The following THAP2 variants were observed in gnomAD, a reference collection of about 807,000 sequenced individuals.
The protein encoded by THAP2 is THAP domain-containing protein 2.
THAP2 carries 16 observed loss-of-function variants against 18.8 expected under a neutral mutation model. The ratio of observed to expected loss-of-function variants is 0.85; its 90% CI spans 0.58 to 1.29. The LOEUF (loss-of-function observed/expected upper bound fraction) is 1.29, where lower values mean the gene tolerates loss of function less well. THAP2 is among the 50% of genes most tolerant of loss of function. The probability of loss-of-function intolerance (pLI) is 0.00; values close to 1 mark genes in which losing one functional copy is unlikely to be tolerated. For missense variants in THAP2, 251 were observed against 265.3 expected, an observed-to-expected ratio of 0.95 and a Z score of 0.38; for synonymous variants, 80 against 89.2, an observed-to-expected ratio of 0.90 and a Z score of 0.58.
Position 71,676,739 on chromosome 12 carries a change from T to A in THAP2, c.318T>A (p.Ala106=). ...AGAAAAACAACAGTTGTTCTCCAGC[T>A]GGACCATCTAATTTAAAATCAAACA... ...LLKKNNSCSP[A]GPSNLKSNIS... The change falls in exon 3 of 3, where the codon GCT becomes GCA. Residue 106 remains alanine, a synonymous_variant. Coordinates refer to ENST00000308086, the MANE Select transcript of THAP2 (RefSeq NM_031435.4). The A allele has an allele frequency of 6.2e-7, 1 of 1,604,952 alleles. No homozygotes were observed. The highest frequency in any genetic ancestry group is 1.1e-5 in the South Asian group (1 of 88,638).
rs1565844823 is a variant in THAP2 at position 71,679,143 on chromosome 12, T to C, written c.*2035T>C. ...GTAGCCCAGTTCCCATCTACAGTAA[T>C]ACCTTGAAACCTTAATAAATTTTAA... is the stretch of plus-strand genomic sequence containing the variant. On this transcript the variant is annotated 3_prime_UTR_variant, in exon 3 of 3. Coordinates refer to ENST00000308086, the MANE Select transcript of THAP2 (RefSeq NM_031435.4). 6.6e-6 allele frequency: 1 copy of C among 152,152 alleles called. No individual in the cohort carries two copies. The highest frequency in any genetic ancestry group is 1.5e-5 in the Non-Finnish European group (1 of 67,992). The allele number at this position is 152,152 out of a possible 1,614,324, so 9.4% of individuals were successfully genotyped here. A position where few individuals can be genotyped will look rare whatever the true frequency, so the allele number is the denominator to read the frequency against.
chr12:71,672,861 T>C (rs969027140), intron 1 of THAP2, among the ~76,000 whole-genome samples: 1 of 152,138 alleles, frequency 6.6e-6, no homozygotes, highest in Admixed American at 6.6e-5. Flanking sequence ...CTAAATACAA[T>C]GAAAAATATG....
At chr12:71,672,811 T>C (rs1193021706) in intron 1 of THAP2, among the ~76,000 whole-genome samples, 1 of 152,160 alleles carries the variant, frequency 6.6e-6, no homozygotes, top group African/African-American at 2.4e-5. Flanking sequence ...TGGCACTTCA[T>C]ATGGGTATCA....
chr12:71,669,799 A>T (rs1482637791), intron 1 of THAP2, among the ~76,000 whole-genome samples: 2 of 151,962 alleles, frequency 1.3e-5, no homozygotes, highest in African/African-American at 4.8e-5. Flanking sequence ...TACTAAAAAT[A>T]TAGAAAAAAA....
At position 71,666,101 on chromosome 12, in the gene THAP2, G is replaced by C. The variant is rs528056796; in HGVS notation, c.71+1521G>C. ...AAAGTCCACCCAAATTTCTAGACTA[G>C]GGTGATATTAGAGTAGAAATGGAGA... On this transcript the variant is annotated intron_variant, in intron 1 of 2. Transcript: ENST00000308086. Among the ~76,000 whole-genome samples the C allele has an allele frequency of 2.6e-5, 4 of 152,236 alleles. No individual in the cohort carries two copies. The East Asian group carries it at 7.7e-4, about 29-fold the overall frequency.
chr12:71,673,456 A>G (rs1881474080), intron 1 of THAP2, among the ~76,000 whole-genome samples: 1 of 152,170 alleles, frequency 6.6e-6, no homozygotes, highest in Non-Finnish European at 1.5e-5. Context: ...GAAAGGAAAA[A>G]CATTGCTACA....
intron 2 of THAP2, among the ~76,000 whole-genome samples, chr12:71,676,176 A>G (rs1260259687): frequency 6.6e-6 from 1 of 152,086 alleles, no homozygotes; most frequent in Non-Finnish European, 1.5e-5. Flanking sequence ...AGATATAACC[A>G]TCAAAAATTA....
Position 71,677,801 on chromosome 12 carries a change from GT to G in THAP2, c.*694del, listed in dbSNP as rs1220070773. On this transcript the variant is annotated 3_prime_UTR_variant, in exon 3 of 3. Coordinates refer to ENST00000308086, the MANE Select transcript of THAP2 (RefSeq NM_031435.4). ...TAGCTGATAATATTCACCTAAGTAA[GT>G]GTTGTAAAATAATTCAGAGTTCAGG... The G allele has an allele frequency of 1.3e-5, 2 of 152,064 alleles. No individual in the cohort carries two copies. The highest frequency in any genetic ancestry group is 2.9e-5 in the Non-Finnish European group (2 of 67,988). The allele number at this position is 152,064 out of a possible 1,614,324, so 9.4% of individuals were successfully genotyped here. A position where few individuals can be genotyped will look rare whatever the true frequency, so the allele number is the denominator to read the frequency against.
intron 2 of THAP2, among the ~76,000 whole-genome samples, chr12:71,676,479 G>T (rs113197890): frequency 6.6e-6 from 1 of 151,952 alleles, no homozygotes; most frequent in Admixed American, 6.6e-5. Flanking sequence ...CTGGATATGG[G>T]ACAAAAAGAA....
intron 1 of THAP2, among the ~76,000 whole-genome samples, chr12:71,668,344 A>G (rs1458178157): frequency 6.6e-6 from 1 of 152,230 alleles, no homozygotes; most frequent in Non-Finnish European, 1.5e-5. Context: ...TTTTATTATA[A>G]TAATAAATAG....
chr12:71,671,131 A>G (rs895010249), intron 1 of THAP2, among the ~76,000 whole-genome samples: 3 of 152,076 alleles, frequency 2.0e-5, no homozygotes, highest in Non-Finnish European at 4.4e-5. Flanking sequence ...AAAGGCAGGC[A>G]CGCTCAGTCT....
At chr12:71,670,660 C>T (rs568187678) in intron 1 of THAP2, among the ~76,000 whole-genome samples, 2 of 151,960 alleles carry the variant, frequency 1.3e-5, no homozygotes, top group Non-Finnish European at 2.9e-5. Flanking sequence ...AAAATCCTGC[C>T]GGGCATGGTG....
chr12:71,671,584 A>G (rs1226156215), intron 1 of THAP2, among the ~76,000 whole-genome samples: 1 of 152,146 alleles, frequency 6.6e-6, no homozygotes, highest in Non-Finnish European at 1.5e-5. Context: ...CAACATACAC[A>G]CACACTTTTC....
At chr12:71,668,732 CAGAAT>C (rs1457379749) in intron 1 of THAP2, among the ~76,000 whole-genome samples, 14 of 152,308 alleles carry the variant, frequency 9.2e-5, no homozygotes, top group Admixed American at 3.9e-4. Context: ...AAGATGCACA[CAGAAT>C]AGCACTGTTT....
At chr12:71,666,343 CTACAAAAAAA>C (rs1403796567) in intron 1 of THAP2, among the ~76,000 whole-genome samples, 3 of 151,930 alleles carry the variant, frequency 2.0e-5, no homozygotes, top group East Asian at 3.9e-4. Flanking sequence ...AACCTCGTCT[CTACAAAAAAA>C]TACAAAAAAA....
intron 1 of THAP2, among the ~76,000 whole-genome samples, chr12:71,668,261 G>C (rs1356991538): frequency 6.6e-6 from 1 of 152,100 alleles, no homozygotes; most frequent in Non-Finnish European, 1.5e-5. Context: ...GACTAGACTA[G>C]CTCTTCCTGT....
intron 1 of THAP2, among the ~76,000 whole-genome samples, chr12:71,673,278 C>G (rs541586033): frequency 1.3e-5 from 2 of 151,392 alleles, no homozygotes; most frequent in Non-Finnish European, 2.9e-5. Flanking sequence ...AATGACATAC[C>G]TTTTTCTTAA....
chr12:71,676,767 A>G lies in THAP2; in HGVS notation c.346A>G (p.Ser116Gly), dbSNP rs1197576192. The change falls in exon 3 of 3, where the codon AGT becomes GGT. Residue 116 changes from serine (S) to glycine (G), a missense_variant. Transcript: ENST00000308086. ...ACCATCTAATTTAAAATCAAACATT[A>G]GTAGTCAGCAAGTACTACTTGAACA... The part of the protein sequence containing the change: ...AGPSNLKSNI[S>G]SQQVLLEHSY... 1.2e-6 allele frequency: 2 copies of G among 1,612,592 alleles called. No individual in the cohort carries two copies. Among genetic ancestry groups the G allele is most frequent in the Non-Finnish European group, 1.7e-6 (2 of 1,179,288 alleles).
In THAP2 at chr12:71,674,363, A is replaced by T. The variant is rs143394166; in HGVS notation, c.232A>T (p.Thr78Ser). Reference sequence around the variant, plus strand: ...ACGACTTAAAATGGATGCTGTTCCAACCATTTTTGATTTTTGTACCCATAT... The same window carrying T: ...ACGACTTAAAATGGATGCTGTTCCATCCATTTTTGATTTTTGTACCCATAT... ...TRRLKMDAVP[T>S]IFDFCTHIKS... The change falls in exon 2 of 3, where the codon ACC becomes TCC. Residue 78 changes from threonine to serine, a missense_variant. Coordinates refer to ENST00000308086, the MANE Select transcript of THAP2 (RefSeq NM_031435.4). 6.2e-7 allele frequency: 1 copy of T among 1,610,562 alleles called. No homozygotes were observed. The highest frequency in any genetic ancestry group is 1.7e-5 in the Admixed American group (1 of 59,688).
Sources: gnomAD v4.1 joint callset for allele counts (sites outside exome capture counted in the v4.1 genomes callset) on GRCh38, gnomAD v4.1.1 for gene constraint, MANE v1.5 for transcripts, NCBI Gene and HGNC (gene_info 2026-07-23, HGNC 2026-07-21) for gene names.